Variants in CRACD observed in about 807,000 individuals in gnomAD.
CRACD encodes capping protein inhibiting regulator of actin dynamics.
Under a neutral mutation model 106.8 loss-of-function variants are expected in CRACD, and 56 were observed. The ratio of observed to expected loss-of-function variants is 0.52; its 90% confidence interval spans 0.42 to 0.66. CRACD has a LOEUF of 0.66. CRACD is among the 30% of genes least tolerant of loss of function. The pLI, the probability that CRACD is intolerant of heterozygous loss-of-function variation, is 0.00. For missense variants in CRACD, 1,730 were observed against 1,623.2 expected (o/e 1.07, Z -1.13); for synonymous variants, 754 against 670.8 (o/e 1.12, Z -1.92).
intron 2 of CRACD, among the ~76,000 whole-genome samples, chr4:56,206,364 G>A (rs1212487780): frequency 1.3e-5 from 2 of 152,202 alleles, no homozygotes; most frequent in Non-Finnish European, 2.9e-5. Flanking sequence ...GCAGGATGAA[G>A]CAAGGGAGGA....
Position 56,147,689 on chromosome 4 carries a change from A to G in CRACD, c.-335-31595A>G, listed in dbSNP as rs532934388. ...AATTGCTGAGTCATGTGGTAGCTCT[A>G]TGTTTAACCTTTTGAGAAATTGGCA... On this transcript the variant is annotated intron_variant, in intron 1 of 10. Coordinates refer to ENST00000682029, the MANE Select transcript of CRACD (RefSeq NM_001393381.1). Among the ~76,000 whole-genome samples, 8 of 152,298 alleles carry G rather than the reference A, an allele frequency of 5.3e-5. No individual in the cohort carries two copies. In the South Asian group the frequency reaches 1.7e-3, roughly 32 times the overall value.
At chr4:56,159,122 T>C (rs1234071036) in intron 1 of CRACD, among the ~76,000 whole-genome samples, 1 of 152,210 alleles carries the variant, frequency 6.6e-6, no homozygotes, top group South Asian at 2.1e-4. Flanking sequence ...AGTCCTGTTA[T>C]AAAGTTATAG....
intron 1 of CRACD, among the ~76,000 whole-genome samples, chr4:56,173,413 G>A (rs1487514656): frequency 6.6e-6 from 1 of 152,152 alleles, no homozygotes; most frequent in East Asian, 1.9e-4. Flanking sequence ...TAATAGAGAT[G>A]GGTGTTGAAC....
chr4:56,328,463 C>G lies in CRACD; in HGVS notation c.*659C>G. The G allele has an allele frequency of 2.0e-6, 1 of 510,528 alleles. No homozygotes were observed. Among genetic ancestry groups the G allele is most frequent in the South Asian group, 1.4e-5 (1 of 69,274 alleles). The allele number at this position is 510,528 out of a possible 1,614,324, so 31.6% of individuals were successfully genotyped here. ...TTCATAGTGTGGGGCCCTGTTATTC[C>G]AATACCCTCCTTAAGGACATGTGAA... On this transcript the variant is annotated 3_prime_UTR_variant, in exon 11 of 11. Coordinates refer to ENST00000682029, the MANE Select transcript of CRACD (RefSeq NM_001393381.1).
chr4:56,174,220 C>G (rs1244269409), intron 1 of CRACD, among the ~76,000 whole-genome samples: 1 of 152,040 alleles, frequency 6.6e-6, no homozygotes, highest in Non-Finnish European at 1.5e-5. Flanking sequence ...TATTTTGATA[C>G]AAGCATATAA....
At chr4:56,199,899 G>T (rs1232868255) in intron 2 of CRACD, among the ~76,000 whole-genome samples, 1 of 151,848 alleles carries the variant, frequency 6.6e-6, no homozygotes, top group Non-Finnish European at 1.5e-5. Flanking sequence ...CCCAAGCTGG[G>T]AATAGTGTCT....
intron 2 of CRACD, among the ~76,000 whole-genome samples, chr4:56,232,393 C>A (rs542128969): frequency 6.6e-6 from 1 of 152,220 alleles, no homozygotes; most frequent in South Asian, 2.1e-4. Context: ...ATTTGTTTAT[C>A]CCCTCTTGAT....
intron 1 of CRACD, among the ~76,000 whole-genome samples, chr4:56,054,726 A>G (rs2109778215): frequency 6.6e-6 from 1 of 152,256 alleles, no homozygotes; most frequent in East Asian, 1.9e-4. Context: ...TTTTATAGTC[A>G]CATGTTGTCA....
At chr4:56,292,079 G>C (rs773241716) in intron 3 of CRACD, among the ~76,000 whole-genome samples, 1 of 152,132 alleles carries the variant, frequency 6.6e-6, no homozygotes, top group African/African-American at 2.4e-5. Context: ...AGGCTGATGC[G>C]GTCTCAGATG....
chr4:56,054,743 T>TAGTC (rs1349296548), intron 1 of CRACD, among the ~76,000 whole-genome samples: 1 of 152,208 alleles, frequency 6.6e-6, no homozygotes, highest in Non-Finnish European at 1.5e-5. Context: ...GTCAGCCTTA[T>TAGTC]AGTCACATGT....
In CRACD at chr4:56,248,019, A is replaced by G. The variant is rs145822317; in HGVS notation, c.-188-24302A>G. ...CTGTATGGTATACCCAAGGAAATGAATAAAACATCACAGCAGCACCAGAAT... is the reference window on the plus strand; with the variant it reads ...CTGTATGGTATACCCAAGGAAATGAGTAAAACATCACAGCAGCACCAGAAT... On this transcript the variant is annotated intron_variant, in intron 2 of 10. Transcript: ENST00000682029. 6.6e-4 allele frequency among the ~76,000 whole-genome samples: 101 copies of G among 152,294 alleles called. 1 individual carries two copies. Among genetic ancestry groups the G allele is most frequent in the African/African-American group, 2.3e-3 (94 of 41,556 alleles).
chr4:56,224,902 C>T (rs1361440537), intron 2 of CRACD, among the ~76,000 whole-genome samples: 1 of 152,176 alleles, frequency 6.6e-6, no homozygotes, highest in Non-Finnish European at 1.5e-5. Flanking sequence ...CAACCCTTTA[C>T]CCTGAAGTTG....
chr4:56,162,027 G>A (rs559753567), intron 1 of CRACD, among the ~76,000 whole-genome samples: 1 of 152,188 alleles, frequency 6.6e-6, no homozygotes, highest in Admixed American at 6.5e-5. Context: ...GCCTCCCAAA[G>A]TGAATTGTGC....
At chr4:56,218,399 C>T (rs1283783789) in intron 2 of CRACD, among the ~76,000 whole-genome samples, 1 of 151,536 alleles carries the variant, frequency 6.6e-6, no homozygotes, top group Non-Finnish European at 1.5e-5. Flanking sequence ...GGAGTAACCA[C>T]CTCACCTGGT....
intron 2 of CRACD, among the ~76,000 whole-genome samples, chr4:56,187,401 C>T (rs1029112196): frequency 3.9e-5 from 6 of 152,190 alleles, no homozygotes; most frequent in African/African-American, 7.2e-5. Flanking sequence ...TTTATGTCAA[C>T]GTGTTTCTTA....
intron 6 of CRACD, 176 bp downstream of exon 6, chr4:56,310,910 T>C: frequency 1.7e-6 from 1 of 579,124 alleles, no homozygotes; most frequent in Non-Finnish European, 3.1e-6. Flanking sequence ...TCTGTTTCCA[T>C]GGCAAGGCAA....
At chr4:56,247,875 G>C (rs1740779365) in intron 2 of CRACD, among the ~76,000 whole-genome samples, 2 of 151,124 alleles carry the variant, frequency 1.3e-5, no homozygotes, top group Non-Finnish European at 2.9e-5. Flanking sequence ...GAGAGAGAGA[G>C]AATCCTATTG....
At chr4:56,208,495 A>C (rs1738239169) in intron 2 of CRACD, among the ~76,000 whole-genome samples, 1 of 152,248 alleles carries the variant, frequency 6.6e-6, no homozygotes, top group Non-Finnish European at 1.5e-5. Context: ...GTTTAGTAGC[A>C]GAAGGTACAG....
At chr4:56,097,415 C>G in intron 1 of CRACD, 1 of 153,008 alleles carries the variant, frequency 6.5e-6, no homozygotes. Flanking sequence ...ACCGTGAATG[C>G]GCCCGATCTC....
Sources: gnomAD v4.1 joint callset for allele counts (sites outside exome capture counted in the v4.1 genomes callset) on GRCh38, gnomAD v4.1.1 for gene constraint, MANE v1.5 for transcripts, NCBI Gene and HGNC (gene_info 2026-07-23, HGNC 2026-07-21) for gene names.